NPAT: variants seen among roughly 807,000 people sequenced by gnomAD.
The protein encoded by NPAT is protein NPAT.
NPAT carries 52 observed loss-of-function variants against 130.7 expected under a neutral mutation model. The observed-to-expected ratio is 0.40, with a 90% confidence interval of 0.32 to 0.50. The LOEUF is 0.50. NPAT is among the 20% of genes least tolerant of loss of function. NPAT has a pLI of 0.68. For missense variants in NPAT, 1,687 were observed against 1,662.6 expected (o/e 1.01, Z -0.26); for synonymous variants, 580 against 584.8 (o/e 0.99, Z 0.12).
At chr11:108,177,719 CTT>C (rs11330167) in intron 10 of NPAT, among the ~76,000 whole-genome samples, 1 of 151,066 alleles carries the variant, frequency 6.6e-6, no homozygotes, top group Non-Finnish European at 1.5e-5. Flanking sequence ...ATAAAGTTCC[CTT>C]TTTTTTTGTT....
chr11:108,190,432 T>C (rs1393927893), intron 5 of NPAT, 28 bp downstream of exon 5: 2 of 1,590,524 alleles, frequency 1.3e-6, no homozygotes, highest in Non-Finnish European at 8.6e-7. Flanking sequence ...GAAGTAATTG[T>C]GAACATTGTT....
chr11:108,161,936 C>T lies in NPAT; in HGVS notation c.3150G>A (p.Glu1050=). The T allele has an allele frequency of 1.2e-6, 2 of 1,607,446 alleles. No individual in the cohort carries two copies. The highest frequency in any genetic ancestry group is 2.7e-5 in the African/African-American group (2 of 74,684). Residue 1050 remains glutamate, a synonymous_variant, in exon 17 of 18, where the codon GAG becomes GAA. Coordinates refer to ENST00000278612, the MANE Select transcript of NPAT (RefSeq NM_002519.3). ...SEETTVPFPE[E]SIVPAAKPCH... Reference sequence around the variant, plus strand: ...ATGGTTTAGCAGCTGGAACTATACTCTCTTCTGGGAAGGGAACTGTGGTTT... The same window carrying T: ...ATGGTTTAGCAGCTGGAACTATACTTTCTTCTGGGAAGGGAACTGTGGTTT...
chr11:108,169,586 T>A (rs993457310), intron 15 of NPAT, among the ~76,000 whole-genome samples, 158 bp downstream of exon 15: 6 of 152,210 alleles, frequency 3.9e-5, no homozygotes, highest in African/African-American at 1.4e-4. Context: ...AGCTGTTCAG[T>A]AACAGTTGGC....
intron 4 of NPAT, among the ~76,000 whole-genome samples, chr11:108,190,997 CGTTCA>C (rs2078164013): frequency 6.6e-6 from 1 of 152,046 alleles, no homozygotes; most frequent in African/African-American, 2.4e-5. Context: ...TGAGCTCAGG[CGTTCA>C]AGGCTACAAG....
In NPAT at chr11:108,186,549, G is replaced by A. The variant is rs929785559; in HGVS notation, c.659C>T (p.Thr220Ile). ...TGTTGAATGAGGGCCAGACAAAGTG[G>A]TACTTTTTCTCTGAGATTCACTGAA... The part of the protein sequence containing the change: ...RRKSESQRKS[T>I]TLSGPHSTIR... The change falls in exon 8 of 18, where the codon ACC (threonine) becomes ATC (isoleucine). Residue 220 changes from threonine to isoleucine, a missense_variant. By Grantham distance (89) the Thr-to-Ile change is moderately conservative (BLOSUM62 -1). This residue lies in a region of NPAT where 307 missense variants were observed against 298.9 expected (regional missense o/e 1.03). Coordinates refer to ENST00000278612, the MANE Select transcript of NPAT (RefSeq NM_002519.3). 1.2e-6 allele frequency: 2 copies of A among 1,613,818 alleles called. No homozygotes were observed. The highest frequency in any genetic ancestry group is 1.7e-5 in the Admixed American group (1 of 60,010).
At chr11:108,199,732 T>C (rs942130334) in intron 1 of NPAT, among the ~76,000 whole-genome samples, 1 of 151,978 alleles carries the variant, frequency 6.6e-6, no homozygotes, top group African/African-American at 2.4e-5. Flanking sequence ...TTCACAGAGG[T>C]CTAGCCAATG....
intron 1 of NPAT, among the ~76,000 whole-genome samples, chr11:108,212,945 CAAAAA>C (rs34466178): frequency 2.5e-4 from 9 of 36,418 alleles, no homozygotes; most frequent in East Asian, 1.1e-3. Context: ...GACTCTGTCT[CAAAAA>C]AAAAAAAAAA....
At chr11:108,199,148 G>T in intron 1 of NPAT, among the ~76,000 whole-genome samples, 1 of 152,222 alleles carries the variant, frequency 6.6e-6, no homozygotes, top group South Asian at 2.1e-4. Flanking sequence ...AGACAGAGTT[G>T]TAACGGTCCT....
intron 4 of NPAT, among the ~76,000 whole-genome samples, chr11:108,191,446 C>T (rs2078168380): frequency 6.6e-6 from 1 of 152,008 alleles, no homozygotes; most frequent in African/African-American, 2.4e-5. Context: ...AGTAAGTCTC[C>T]AACAAGATCC....
rs186429385 is a variant in NPAT, at chr11:108,179,206, C to A, written c.907-2116G>T. Among the ~76,000 whole-genome samples, 1,175 of 152,304 alleles carry A rather than the reference C, an allele frequency of 7.7e-3. 8 individuals are homozygous for A. The highest frequency in any genetic ancestry group is 0.024 in the African/African-American group (1,004 of 41,562). ...AATGAAGTTGGATCCTTACCTTACA[C>A]CATATATGAAAATTTACATTTAAAT... On this transcript the variant is annotated intron_variant, in intron 10 of 17. Transcript: ENST00000278612.
At chr11:108,166,469 AAT>A (rs1224537420) in intron 15 of NPAT, among the ~76,000 whole-genome samples, 3 of 152,116 alleles carry the variant, frequency 2.0e-5, no homozygotes, top group Non-Finnish European at 4.4e-5. Context: ...TCTATCATTT[AAT>A]TGTTTGACTT....
chr11:108,188,399 C>T (rs1484097540), intron 6 of NPAT, among the ~76,000 whole-genome samples: 1 of 151,942 alleles, frequency 6.6e-6, no homozygotes, highest in Non-Finnish European at 1.5e-5. Flanking sequence ...ACAATATAGT[C>T]TCAACAAAAA....
intron 2 of NPAT, among the ~76,000 whole-genome samples, chr11:108,196,630 CAT>C (rs1419888089): frequency 6.6e-6 from 1 of 152,162 alleles, no homozygotes; most frequent in Non-Finnish European, 1.5e-5. Flanking sequence ...GGATTTCACA[CAT>C]ATTTTGTTAG....
intron 4 of NPAT, among the ~76,000 whole-genome samples, chr11:108,191,582 T>G (rs533470764): frequency 8.5e-5 from 13 of 152,316 alleles, no homozygotes; most frequent in African/African-American, 2.2e-4. Context: ...ATGAAACCCA[T>G]GCTGAAGTTA....
rs1414917956 is a variant in NPAT at position 108,172,414 on chromosome 11, C to T, written c.2570G>A (p.Ser857Asn). Residue 857 changes from serine (S) to asparagine (N), a missense_variant, in exon 13 of 18, where the codon AGC becomes AAC. Physicochemically the swap from Ser to Asn is conservative, Grantham distance 46. This residue lies in a region of NPAT where 1,379 missense variants were observed against 1,346.6 expected (regional missense o/e 1.02). Transcript: ENST00000278612. ...GTTATTTGAATTGCCAAAAGCTGTGCTTGTGGCTGGCATCAACTGTATATA... is the reference window on the plus strand; with the variant it reads ...GTTATTTGAATTGCCAAAAGCTGTGTTTGTGGCTGGCATCAACTGTATATA... Reference protein sequence around the residue: ...GGYIQLMPATSTAFGNSNNIL... With the variant: ...GGYIQLMPATNTAFGNSNNIL... 1 of 1,614,080 alleles carries T rather than the reference C, an allele frequency of 6.2e-7. No individual in the cohort carries two copies. The highest frequency in any genetic ancestry group is 8.5e-7 in the Non-Finnish European group (1 of 1,180,034).
intron 10 of NPAT, among the ~76,000 whole-genome samples, chr11:108,183,679 A>G (rs2078077909): frequency 6.6e-6 from 1 of 152,132 alleles, no homozygotes. Flanking sequence ...GTGCATGCCT[A>G]TAATCCCAGC....
intron 3 of NPAT, 78 bp downstream of exon 3, chr11:108,193,879 T>C: frequency 1.1e-6 from 1 of 917,442 alleles, no homozygotes; most frequent in South Asian, 1.4e-5. Flanking sequence ...TTAATAACCT[T>C]TAGAAATCAT....
At chr11:108,218,024 A>G (rs2078449916) in intron 1 of NPAT, among the ~76,000 whole-genome samples, 1 of 152,112 alleles carries the variant, frequency 6.6e-6, no homozygotes, top group Admixed American at 6.6e-5. Context: ...GAAAATACAA[A>G]CTAGGCACTA....
At chr11:108,220,313 T>C (rs920350563) in intron 1 of NPAT, among the ~76,000 whole-genome samples, 4 of 152,312 alleles carry the variant, frequency 2.6e-5, no homozygotes, top group South Asian at 4.2e-4. Context: ...GTGGAATTCA[T>C]TGTTCTTTGA....
Sources: allele counts gnomAD v4.1 joint callset (sites outside exome capture counted in the v4.1 genomes callset), GRCh38; gene constraint gnomAD v4.1.1; regional missense constraint gnomAD v4.1.1; transcripts MANE v1.5; gene names NCBI Gene and HGNC (gene_info 2026-07-23, HGNC 2026-07-21).